The following KIF26B variants were observed in gnomAD, a reference collection of about 807,000 sequenced individuals.
KIF26B encodes the protein kinesin family member 26B.
Under a neutral mutation model 151.2 loss-of-function variants are expected in KIF26B, and 63 were observed. The ratio of observed to expected loss-of-function variants is 0.42; its 90% CI spans 0.34 to 0.51. KIF26B has a LOEUF of 0.51. Among genes scored for constraint, KIF26B ranks in the 20% least tolerant of loss-of-function variants. KIF26B has a pLI of 0.07. For synonymous variants in KIF26B, 1,357 were observed against 1,262.1 expected (o/e 1.08, Z -1.59); for missense variants, 2,813 against 2,913.6 (o/e 0.97, Z 0.79).
At chr1:245,676,925 G>T (rs1464129360) in intron 10 of KIF26B, among the ~76,000 whole-genome samples, 5 of 152,144 alleles carry the variant, frequency 3.3e-5, no homozygotes, top group African/African-American at 4.8e-5. Context: ...ACATTCCAGA[G>T]CCATCATGGT....
chr1:245,373,553 G>A (rs1367003271), intron 3 of KIF26B, among the ~76,000 whole-genome samples: 1 of 152,186 alleles, frequency 6.6e-6, no homozygotes, highest in Non-Finnish European at 1.5e-5. Flanking sequence ...GTGGACCGTT[G>A]ATGCAATGAA....
rs774800872 is a variant in KIF26B at position 245,686,013 on chromosome 1, C to A, written c.3030C>A (p.Ala1010=). 6.3e-7 allele frequency: 1 copy of A among 1,591,054 alleles called. No individual in the cohort carries two copies. The highest frequency in any genetic ancestry group is 2.3e-5 in the East Asian group (1 of 43,328). The change falls in exon 12 of 15, where the codon GCC becomes GCA. Residue 1010 remains alanine (A), a synonymous_variant. Transcript: ENST00000407071. The surrounding 1 kb of genome is among the most constrained non-coding windows in gnomAD (Gnocchi z 5.6). The part of the protein sequence containing the change: ...KMQRSHSPVP[A]AAPAHSPSPA... ...AGAGGAGTCACTCACCTGTGCCCGC[C>A]GCGGCACCCGCCCACAGCCCCAGCC...
chr1:245,191,014 G>A (rs1417854792), intron 2 of KIF26B, among the ~76,000 whole-genome samples: 13 of 124,352 alleles, frequency 1.0e-4, no homozygotes, highest in Non-Finnish European at 1.6e-4. Flanking sequence ...AGCCAAGATC[G>A]TGCCACTGCA....
chr1:245,502,748 A>T (rs1660648655), intron 4 of KIF26B, among the ~76,000 whole-genome samples: 1 of 152,136 alleles, frequency 6.6e-6, no homozygotes, highest in South Asian at 2.1e-4. Flanking sequence ...CAGTAAAGAC[A>T]CATAAAATGG....
At chr1:245,288,650 G>C (rs1671206101) in intron 2 of KIF26B, among the ~76,000 whole-genome samples, 1 of 152,182 alleles carries the variant, frequency 6.6e-6, no homozygotes, top group South Asian at 2.1e-4. Context: ...GTTCCGAATG[G>C]CTTAAGTCTA....
At chr1:245,595,833 T>G (rs188169515) in intron 5 of KIF26B, among the ~76,000 whole-genome samples, 4 of 152,324 alleles carry the variant, frequency 2.6e-5, no homozygotes, top group Admixed American at 2.6e-4. Flanking sequence ...ACTGCCTCAA[T>G]TTCAGAACTA....
intron 9 of KIF26B, among the ~76,000 whole-genome samples, chr1:245,617,294 C>T (rs2043600820): frequency 6.6e-6 from 1 of 152,208 alleles, no homozygotes; most frequent in Non-Finnish European, 1.5e-5. Flanking sequence ...GACGGGGTTT[C>T]ACCATGTTGG....
chr1:245,650,515 A>G lies in KIF26B; in HGVS notation c.2258+4235A>G, dbSNP rs183268484. ...GCTTTTCGAGACTCAGATTCTCACC[A>G]TGACCCAATTATCTCAAAATAGAAT... On this transcript the variant is annotated intron_variant, in intron 10 of 14. Transcript: ENST00000407071. 5.9e-5 allele frequency among the ~76,000 whole-genome samples: 9 copies of G among 152,364 alleles called. No homozygotes were observed. The East Asian group carries it at 1.4e-3, about 23-fold the overall frequency.
chr1:245,195,496 T>C (rs1489940085), intron 2 of KIF26B, among the ~76,000 whole-genome samples: 1 of 152,238 alleles, frequency 6.6e-6, no homozygotes, highest in East Asian at 1.9e-4. Flanking sequence ...GAGACGTGGG[T>C]CACATAAACA....
intron 2 of KIF26B, among the ~76,000 whole-genome samples, chr1:245,253,094 C>G (rs1021838726): frequency 4.0e-5 from 6 of 149,190 alleles, no homozygotes; most frequent in African/African-American, 1.5e-4. Flanking sequence ...ACTGCAACTT[C>G]CACCTCCCAG....
Position 245,688,438 on chromosome 1 carries a change from C to T in KIF26B, c.5455C>T (p.Arg1819Trp), listed in dbSNP as rs546302863. ...GCTGCTGCAGGGTGGCGCGGGCGCC[C>T]GGGGCTTGCAGCTGCGGGCCGGGCC... ...SELLQGGAGA[R>W]GLQLRAGPEA... The change falls in exon 12 of 15, where the codon CGG (arginine) becomes TGG (tryptophan). Residue 1819 changes from arginine to tryptophan, a missense_variant. Physicochemically the swap from Arg to Trp is moderately radical, Grantham distance 101. This residue lies in a region of KIF26B where 2,060 missense variants were observed against 2,088.6 expected (regional missense o/e 0.99). Coordinates refer to ENST00000407071, the MANE Select transcript of KIF26B (RefSeq NM_018012.4). 3.6e-4 allele frequency: 502 copies of T among 1,386,110 alleles called. 1 individual carries two copies. Among genetic ancestry groups the T allele is most frequent in the Non-Finnish European group, 4.3e-4 (464 of 1,077,562 alleles). The allele number at this position is 1,386,110 out of a possible 1,614,324, so 85.9% of individuals were successfully genotyped here.
At chr1:245,489,486 G>T (rs1393810624) in intron 4 of KIF26B, among the ~76,000 whole-genome samples, 1 of 152,210 alleles carries the variant, frequency 6.6e-6, no homozygotes, top group Non-Finnish European at 1.5e-5. Context: ...TGACTTTGGG[G>T]TAGTCTGCAA....
intron 2 of KIF26B, 88 bp from the exon 3 acceptor site, chr1:245,366,746 G>A (rs1309088452): frequency 8.5e-6 from 11 of 1,293,888 alleles, no homozygotes; most frequent in Non-Finnish European, 1.2e-5. Flanking sequence ...AGTACGTCTC[G>A]GGTTTGACTG....
intron 5 of KIF26B, among the ~76,000 whole-genome samples, chr1:245,571,036 C>A (rs556230682): frequency 6.6e-6 from 1 of 152,332 alleles, no homozygotes; most frequent in South Asian, 2.1e-4. Flanking sequence ...ATGTGTTCAT[C>A]ATGGGAAATA....
At chr1:245,535,520 G>A (rs1661471715) in intron 4 of KIF26B, among the ~76,000 whole-genome samples, 1 of 152,150 alleles carries the variant, frequency 6.6e-6, no homozygotes, top group African/African-American at 2.4e-5. Flanking sequence ...AAATCATTCT[G>A]GTTCCCCACT....
At chr1:245,551,951 G>T (rs1360787673) in intron 5 of KIF26B, among the ~76,000 whole-genome samples, 2 of 152,044 alleles carry the variant, frequency 1.3e-5, no homozygotes, top group Admixed American at 1.3e-4. Context: ...GTAATTCCAT[G>T]TTCAGTGGGT....
Position 245,689,775 on chromosome 1 carries a change from C to T in KIF26B, c.5824+968C>T, listed in dbSNP as rs956811518. ...GTTTTACCATGTTGACCAGGCTGGT[C>T]TCGAACTCCTGACCTCAAGTGATCC... On this transcript the variant is annotated intron_variant, in intron 12 of 14. Transcript: ENST00000407071. Among the ~76,000 whole-genome samples, 7 of 152,146 alleles carry T rather than the reference C, an allele frequency of 4.6e-5. No individual in the cohort carries two copies. The East Asian group carries it at 1.4e-3, about 29-fold the overall frequency.
At chr1:245,346,704 G>A (rs1276881393) in intron 2 of KIF26B, among the ~76,000 whole-genome samples, 2 of 152,138 alleles carry the variant, frequency 1.3e-5, no homozygotes, top group Non-Finnish European at 2.9e-5. Flanking sequence ...ATTACCGGTT[G>A]TAAAGACTGA....
At chr1:245,648,829 C>T (rs2043981601) in intron 10 of KIF26B, among the ~76,000 whole-genome samples, 1 of 152,134 alleles carries the variant, frequency 6.6e-6, no homozygotes, top group South Asian at 2.1e-4. Flanking sequence ...AGAGAGTGAT[C>T]ATTAAAGTGT....
Sources: gnomAD v4.1 joint callset for allele counts (sites outside exome capture counted in the v4.1 genomes callset) on GRCh38, gnomAD v4.1.1 for gene constraint, gnomAD v4.1.1 regional missense constraint, Gnocchi (gnomAD v3.1) non-coding constraint, MANE v1.5 for transcripts, NCBI Gene and HGNC (gene_info 2026-07-23, HGNC 2026-07-21) for gene names.